The following ZYG11B variants were observed in gnomAD, a reference collection of about 807,000 sequenced individuals.
ZYG11B encodes protein zyg-11 homolog B.
Under a neutral mutation model 82.4 loss-of-function variants are expected in ZYG11B, and 36 were observed. The ratio of observed to expected loss-of-function variants is 0.44; its 90% CI spans 0.33 to 0.58. The LOEUF is 0.58. Ranked by LOEUF, ZYG11B falls within the 20% of genes least tolerant of loss-of-function variation. ZYG11B has a pLI of 0.02. For synonymous variants in ZYG11B, 303 were observed against 312.8 expected (o/e 0.97, Z 0.33); for missense variants, 552 against 895.6 (o/e 0.62, Z 4.90).
intron 6 of ZYG11B, among the ~76,000 whole-genome samples, chr1:52,795,399 G>T (rs879776067): frequency 6.6e-6 from 1 of 151,964 alleles, no homozygotes; most frequent in African/African-American, 2.4e-5. Context: ...TAAATTACCC[G>T]GTCTCAGGTA....
intron 1 of ZYG11B, among the ~76,000 whole-genome samples, chr1:52,754,021 GC>G: frequency 1.4e-5 from 2 of 146,786 alleles, no homozygotes; most frequent in Non-Finnish European, 3.0e-5. Context: ...ACTGTGCCTG[GC>G]CCCCTTTGCC....
rs1644899600 is a variant in ZYG11B, at chr1:52,784,824, A to G, written c.1093-53A>G. On this transcript the variant is annotated intron_variant, in intron 4 of 13. Transcript: ENST00000294353. ...ACCAACAAAATAATTCTGCTCTGTGAAGAGGGCTTGTATTTATAAGGTGAA... is the reference window on the plus strand; with the variant it reads ...ACCAACAAAATAATTCTGCTCTGTGGAGAGGGCTTGTATTTATAAGGTGAA... 5.1e-6 allele frequency: 8 copies of G among 1,557,062 alleles called. No homozygotes were observed. In the Admixed American group the frequency reaches 1.2e-4, roughly 22 times the overall value.
chr1:52,767,549 C>T (rs1014857949), intron 2 of ZYG11B, among the ~76,000 whole-genome samples: 2 of 152,102 alleles, frequency 1.3e-5, no homozygotes, highest in Non-Finnish European at 2.9e-5. Context: ...GTGATCCATC[C>T]GCCTCGGCCT....
At chr1:52,751,008 G>C (rs1469684452) in intron 1 of ZYG11B, among the ~76,000 whole-genome samples, 1 of 152,004 alleles carries the variant, frequency 6.6e-6, no homozygotes, top group Admixed American at 6.6e-5. Flanking sequence ...CCAGTCATCT[G>C]GTTTTTGTTG....
intron 1 of ZYG11B, among the ~76,000 whole-genome samples, chr1:52,741,441 A>G (rs1474776275): frequency 6.6e-6 from 1 of 152,188 alleles, no homozygotes; most frequent in East Asian, 1.9e-4. Context: ...GTGAACTCAA[A>G]TGATACTTGA....
intron 1 of ZYG11B, among the ~76,000 whole-genome samples, chr1:52,749,765 C>T (rs1266278794): frequency 6.6e-6 from 1 of 152,134 alleles, no homozygotes; most frequent in Non-Finnish European, 1.5e-5. Flanking sequence ...GTTGGCCAGG[C>T]TTGTCTTGAA....
At chr1:52,751,130 C>T (rs1644519234) in intron 1 of ZYG11B, among the ~76,000 whole-genome samples, 2 of 152,038 alleles carry the variant, frequency 1.3e-5, no homozygotes. Context: ...CAGATACCTG[C>T]TACCACACCC....
At chr1:52,740,175 C>G (rs768093058) in intron 1 of ZYG11B, among the ~76,000 whole-genome samples, 11 of 152,198 alleles carry the variant, frequency 7.2e-5, no homozygotes, top group Non-Finnish European at 1.5e-4. Flanking sequence ...TAAAGTATCT[C>G]TTTGAGTGGA....
At chr1:52,805,209 G>A (rs1645132471) in intron 10 of ZYG11B, 1 of 276,488 alleles carries the variant, frequency 3.6e-6, no homozygotes, top group South Asian at 3.9e-5. Flanking sequence ...TGTCAAGTGA[G>A]CACAAAAAAG....
At chr1:52,799,226 A>T (rs979804873) in intron 8 of ZYG11B, among the ~76,000 whole-genome samples, 1 of 152,052 alleles carries the variant, frequency 6.6e-6, no homozygotes, top group African/African-American at 2.4e-5. Flanking sequence ...GGTGGGTCAC[A>T]TCTGTAATGC....
chr1:52,750,776 C>T (rs1644515922), intron 1 of ZYG11B, among the ~76,000 whole-genome samples: 1 of 152,128 alleles, frequency 6.6e-6, no homozygotes, highest in Non-Finnish European at 1.5e-5. Context: ...TTCTAACCCA[C>T]CTTCCCTCTA....
chr1:52,796,403 C>T lies in ZYG11B; in HGVS notation c.1434+12C>T, dbSNP rs749209555. ...TCCTGGCTGCCAAGGTACCTGAACTCTTGCTGAATAATTTTCTGTAGACAG... is the reference window on the plus strand; with the variant it reads ...TCCTGGCTGCCAAGGTACCTGAACTTTTGCTGAATAATTTTCTGTAGACAG... On this transcript the variant is annotated intron_variant, in intron 7 of 13. Transcript: ENST00000294353. 2.5e-6 allele frequency: 4 copies of T among 1,604,874 alleles called. No individual in the cohort carries two copies. The highest frequency in any genetic ancestry group is 1.3e-5 in the African/African-American group (1 of 74,692).
chr1:52,816,656 T>G (rs764462169), intron 13 of ZYG11B, 27 bp downstream of exon 13: 1 of 1,497,802 alleles, frequency 6.7e-7, no homozygotes, highest in Non-Finnish European at 9.2e-7. Flanking sequence ...AAGAACTGTG[T>G]TTTTTTTCTT....
At position 52,756,462 on chromosome 1, in the gene ZYG11B, A is replaced by T. The variant is rs765218807; in HGVS notation, c.35A>T (p.Glu12Val). The change falls in exon 2 of 14, where the codon GAG (glutamate) becomes GTG (valine). Residue 12 changes from glutamate to valine, a missense_variant. By Grantham distance (121) the Glu-to-Val change is moderately radical. Coordinates refer to ENST00000294353, the MANE Select transcript of ZYG11B (RefSeq NM_024646.3). ...PEDQAGAAME[E>V]ASPYSLLDIC... is the part of the protein sequence containing the mutation. ...TATTTTTCCCTGGGCTCCAAGGAGG[A>T]GGCGTCTCCCTATTCCTTACTTGAT... 3 of 1,607,174 alleles carry T rather than the reference A, an allele frequency of 1.9e-6. No homozygotes were observed. The Admixed American group carries it at 5.1e-5, about 27-fold the overall frequency.
At chr1:52,740,272 G>A (rs534138632) in intron 1 of ZYG11B, among the ~76,000 whole-genome samples, 2 of 152,310 alleles carry the variant, frequency 1.3e-5, no homozygotes, top group East Asian at 3.9e-4. Flanking sequence ...TTAGATGAAA[G>A]AGCAGGGCAT....
chr1:52,765,703 A>G (rs150166073), intron 2 of ZYG11B, among the ~76,000 whole-genome samples: 85 of 152,004 alleles, frequency 5.6e-4, no homozygotes, highest in African/African-American at 1.8e-3. Context: ...GAGTCTTGCA[A>G]TGTTGCCCAG....
chr1:52,807,030 G>A (rs1233809597), intron 10 of ZYG11B, among the ~76,000 whole-genome samples: 15 of 151,950 alleles, frequency 9.9e-5, no homozygotes, highest in Admixed American at 7.2e-4. Context: ...CTCTGTGTCC[G>A]GCAAATTTTT....
At chr1:52,729,015 A>G (rs1644307819) in intron 1 of ZYG11B, among the ~76,000 whole-genome samples, 1 of 152,188 alleles carries the variant, frequency 6.6e-6, no homozygotes, top group South Asian at 2.1e-4. Context: ...AATCTACTGT[A>G]ACAAAATACC....
intron 5 of ZYG11B, among the ~76,000 whole-genome samples, chr1:52,785,448 A>G (rs1644905388): frequency 6.6e-6 from 1 of 152,118 alleles, no homozygotes; most frequent in Non-Finnish European, 1.5e-5. Flanking sequence ...GATGAATACT[A>G]AAAATGTTGC....
Sources: gnomAD v4.1 joint callset for allele counts (sites outside exome capture counted in the v4.1 genomes callset) on GRCh38, gnomAD v4.1.1 for gene constraint, MANE v1.5 for transcripts, NCBI Gene and HGNC (gene_info 2026-07-23, HGNC 2026-07-21) for gene names.